The following CDON variants were observed in gnomAD, a reference collection of about 807,000 sequenced individuals.
The protein encoded by CDON is cell adhesion associated, oncogene regulated, also known as cell adhesion molecule-related/down-regulated by oncogenes.
In CDON, 73 loss-of-function variants were observed where a neutral mutation model predicts 120.9. That is an observed-to-expected ratio of 0.60 (90% CI 0.50 to 0.73). The LOEUF (loss-of-function observed/expected upper bound fraction) is 0.73, where lower values mean the gene tolerates loss of function less well. Among genes scored for constraint, CDON ranks in the 30% least tolerant of loss-of-function variants. CDON has a pLI of 0.00. For synonymous variants in CDON, 566 were observed against 573.5 expected (o/e 0.99, Z 0.19); for missense variants, 1,470 against 1,587.3 (o/e 0.93, Z 1.26).
chr11:126,038,684 T>G (rs1026792312), intron 1 of CDON, among the ~76,000 whole-genome samples: 7 of 151,904 alleles, frequency 4.6e-5, no homozygotes, highest in African/African-American at 1.7e-4. Context: ...TCTCTGGTTA[T>G]GAACAAAGAG....
intron 11 of CDON, 54 bp from the exon 12 acceptor site, chr11:125,997,464 CAT>C (rs1946823122): frequency 7.6e-7 from 1 of 1,314,992 alleles, no homozygotes. Flanking sequence ...ACAAGAATAA[CAT>C]AGTTAAATTA....
At chr11:126,028,687 A>G (rs1358601892) in intron 1 of CDON, among the ~76,000 whole-genome samples, 1 of 151,278 alleles carries the variant, frequency 6.6e-6, no homozygotes, top group African/African-American at 2.4e-5. Flanking sequence ...TCATAAATAA[A>G]ACTTTTAACA....
Position 125,956,970 on chromosome 11 carries a change from G to T in CDON, c.*3972C>A, listed in dbSNP as rs142923654. The T allele has an allele frequency of 1.1e-5, 7 of 622,364 alleles. No homozygotes were observed. In the South Asian group the frequency reaches 5.0e-4, roughly 44 times the overall value. The allele number at this position is 622,364 out of a possible 1,614,324, so 38.6% of individuals were successfully genotyped here. On this transcript the variant is annotated 3_prime_UTR_variant, in exon 20 of 20. Coordinates refer to ENST00000531738, the MANE Select transcript of CDON (RefSeq NM_001378964.1). The stretch of plus-strand genomic sequence containing the variant: ...ACACCCGATGCAAAAGACTTTGCTG[G>T]CTTTCTGGTCAGACAAGCCTAGAGA...
rs751661788 is a variant in CDON at position 125,983,889 on chromosome 11, T to C, written c.2978A>G (p.Gln993Arg). Residue 993 changes from glutamine to arginine, a missense_variant, in exon 16 of 20, where the codon CAG becomes CGG. Physicochemically the swap from Gln to Arg is conservative, Grantham distance 43. Coordinates refer to ENST00000531738, the MANE Select transcript of CDON (RefSeq NM_001378964.1). The part of the protein sequence containing the change: ...FIAMCLWKNR[Q>R]QNTIQKYDPP... ...TGACTTACTTTGTATGGTATTCTGCTGGCGATTCTTCCACAGGCACATTGC... is the reference window on the plus strand; with the variant it reads ...TGACTTACTTTGTATGGTATTCTGCCGGCGATTCTTCCACAGGCACATTGC... 1.2e-5 allele frequency: 19 copies of C among 1,613,558 alleles called. No homozygotes were observed. The East Asian group carries it at 2.9e-4, about 25-fold the overall frequency.
At chr11:126,051,124 C>A (rs1257454607) in intron 1 of CDON, among the ~76,000 whole-genome samples, 1 of 152,086 alleles carries the variant, frequency 6.6e-6, no homozygotes, top group East Asian at 1.9e-4. Context: ...TTGTTAAAGG[C>A]CTGTAGCATT....
chr11:126,057,122 A>G (rs1420701213), intron 1 of CDON, among the ~76,000 whole-genome samples: 1 of 152,238 alleles, frequency 6.6e-6, no homozygotes, highest in African/African-American at 2.4e-5. Context: ...GAAGGTAATT[A>G]TACCTTCAAG....
chr11:126,006,417 C>A (rs1947132293), intron 8 of CDON, among the ~76,000 whole-genome samples: 1 of 152,074 alleles, frequency 6.6e-6, no homozygotes, highest in Non-Finnish European at 1.5e-5. Context: ...CCTGTAATCC[C>A]AGAACTTTGG....
chr11:125,988,276 T>C (rs1200276511), intron 15 of CDON, among the ~76,000 whole-genome samples: 1 of 152,088 alleles, frequency 6.6e-6, no homozygotes, highest in Non-Finnish European at 1.5e-5. Context: ...ATGATAACAC[T>C]TTAAAGGTGA....
At chr11:126,022,384 A>G (rs1947668670) in intron 2 of CDON, among the ~76,000 whole-genome samples, 1 of 152,172 alleles carries the variant, frequency 6.6e-6, no homozygotes, top group Non-Finnish European at 1.5e-5. Flanking sequence ...TGAAATACAA[A>G]GGCTATCCTT....
chr11:126,061,132 T>TA (rs1948784714), intron 1 of CDON, among the ~76,000 whole-genome samples: 1 of 152,224 alleles, frequency 6.6e-6, no homozygotes, highest in African/African-American at 2.4e-5. Context: ...GCATGAAAGT[T>TA]AAACAGTATA....
intron 8 of CDON, 31 bp downstream of exon 8, chr11:126,010,310 C>T (rs1390622950): frequency 1.9e-5 from 26 of 1,397,676 alleles, no homozygotes; most frequent in Non-Finnish European, 2.5e-5. Context: ...GGAAATTACT[C>T]AACTAAAAAT....
intron 1 of CDON, among the ~76,000 whole-genome samples, chr11:126,032,152 G>A (rs966017082): frequency 6.6e-6 from 1 of 152,058 alleles, no homozygotes; most frequent in Non-Finnish European, 1.5e-5. Context: ...CATGAGAAAG[G>A]GACAGGTAAG....
chr11:126,038,575 C>T (rs953370535), intron 1 of CDON, among the ~76,000 whole-genome samples: 3 of 151,930 alleles, frequency 2.0e-5, no homozygotes, highest in Non-Finnish European at 4.4e-5. Flanking sequence ...TCGCTTGAAC[C>T]CAGGAGGCAG....
intron 1 of CDON, among the ~76,000 whole-genome samples, chr11:126,027,438 T>C (rs1947820812): frequency 1.3e-5 from 2 of 152,232 alleles, no homozygotes; most frequent in South Asian, 4.1e-4. Flanking sequence ...AAACCCTTAA[T>C]ATTAGTGTTA....
At chr11:126,004,712 T>C (rs1229003763) in intron 9 of CDON, among the ~76,000 whole-genome samples, 1 of 152,214 alleles carries the variant, frequency 6.6e-6, no homozygotes, top group Non-Finnish European at 1.5e-5. Context: ...AAATAGTACA[T>C]AAACCTTAAA....
chr11:125,987,941 C>T (rs1946516027), intron 15 of CDON, among the ~76,000 whole-genome samples: 1 of 152,204 alleles, frequency 6.6e-6, no homozygotes, highest in African/African-American at 2.4e-5. Context: ...TAAGCCTTGG[C>T]TTATCATTCA....
At chr11:126,045,026 A>AAT (rs112780236) in intron 1 of CDON, among the ~76,000 whole-genome samples, 14 of 151,890 alleles carry the variant, frequency 9.2e-5, no homozygotes, top group African/African-American at 3.1e-4. Flanking sequence ...AATAATTTAA[A>AAT]ATATATATAT....
chr11:125,996,392 T>C (rs1272879069), intron 12 of CDON, among the ~76,000 whole-genome samples: 1 of 152,080 alleles, frequency 6.6e-6, no homozygotes, highest in African/African-American at 2.4e-5. Context: ...TGGGGAATAT[T>C]GGATAATAAA....
At chr11:126,002,507 T>C (rs1946975362) in intron 10 of CDON, among the ~76,000 whole-genome samples, 1 of 152,214 alleles carries the variant, frequency 6.6e-6, no homozygotes, top group South Asian at 2.1e-4. Flanking sequence ...CATACTAAAA[T>C]ACTCTTCCAC....
Sources: gnomAD v4.1 joint callset for allele counts (sites outside exome capture counted in the v4.1 genomes callset) on GRCh38, gnomAD v4.1.1 for gene constraint, MANE v1.5 for transcripts, NCBI Gene and HGNC (gene_info 2026-07-23, HGNC 2026-07-21) for gene names.